Variants in PTGES3 observed in about 807,000 individuals in gnomAD.
The protein encoded by PTGES3 is prostaglandin E synthase 3.
A neutral mutation model predicts 29.9 loss-of-function variants in PTGES3; 5 were observed. That is an observed-to-expected ratio of 0.17 (90% confidence interval 0.09 to 0.35). The LOEUF (loss-of-function observed/expected upper bound fraction) is 0.35. Among genes scored for constraint, PTGES3 ranks in the 10% least tolerant of loss-of-function variants. The probability of loss-of-function intolerance (pLI) is 1.00; values close to 1 mark genes in which losing one functional copy is unlikely to be tolerated. For missense variants in PTGES3, 128 were observed against 190.0 expected, an observed-to-expected ratio of 0.67 and a Z score of 1.92; for synonymous variants, 49 against 57.8, an observed-to-expected ratio of 0.85 and a Z score of 0.69.
chr12:56,669,573 G>A (rs1039984172), intron 5 of PTGES3, among the ~76,000 whole-genome samples: 8 of 150,942 alleles, frequency 5.3e-5, no homozygotes, highest in African/African-American at 1.5e-4. Context: ...GTGAGCCACC[G>A]CGCCCAGCCT....
intron 5 of PTGES3, among the ~76,000 whole-genome samples, chr12:56,669,541 C>T (rs550153119): frequency 1.3e-5 from 2 of 152,316 alleles, no homozygotes; most frequent in East Asian, 3.9e-4. Context: ...TCTCAGCCTC[C>T]CAAAGTGCTG....
chr12:56,680,530 C>A (rs988894871), intron 1 of PTGES3, among the ~76,000 whole-genome samples: 10 of 152,182 alleles, frequency 6.6e-5, no homozygotes, highest in African/African-American at 2.4e-4. Flanking sequence ...GGGTTACAGG[C>A]ATGTGCCGTC....
Position 56,688,215 on chromosome 12 carries a change from A to G in PTGES3, c.-216T>C. 1.3e-6 allele frequency: 1 copy of G among 784,196 alleles called. No homozygotes were observed. Among genetic ancestry groups the G allele is most frequent in the Non-Finnish European group, 1.8e-6 (1 of 545,498 alleles). The allele number at this position is 784,196 out of a possible 1,614,324, so 48.6% of individuals were successfully genotyped here. A position where few individuals can be genotyped will look rare whatever the true frequency, so the allele number is the denominator to read the frequency against. On this transcript the variant is annotated 5_prime_UTR_variant, in exon 1 of 8. Transcript: ENST00000262033. ...AGCGGCTCCTCCGGTCGGGGAGAAG[A>G]GGAAAGTGTAGGAAAAGGGGCGCGA... is the stretch of plus-strand genomic sequence containing the variant.
At chr12:56,686,617 T>C (rs1592291048) in intron 1 of PTGES3, among the ~76,000 whole-genome samples, 1 of 152,120 alleles carries the variant, frequency 6.6e-6, no homozygotes, top group Admixed American at 6.6e-5. Flanking sequence ...CCTCAGGTGA[T>C]CCGCCCGCCT....
At chr12:56,664,685 C>A (rs781699549) in intron 7 of PTGES3, 91 bp downstream of exon 7, 15 of 1,479,006 alleles carry the variant, frequency 1.0e-5, no homozygotes, top group Admixed American at 2.2e-5. Flanking sequence ...GAAAAAATTA[C>A]TTTACTTCCA....
chr12:56,678,151 C>T (rs1952355346), intron 1 of PTGES3, among the ~76,000 whole-genome samples: 1 of 152,046 alleles, frequency 6.6e-6, no homozygotes, highest in Admixed American at 6.6e-5. Flanking sequence ...ATGTCTCATT[C>T]CTCACATATT....
At chr12:56,665,152 G>C in intron 6 of PTGES3, 1 of 985,240 alleles carries the variant, frequency 1.0e-6, no homozygotes. Context: ...CCTAGCTGTT[G>C]AGTGAATATT....
In PTGES3 at chr12:56,679,581, AGT is replaced by A. The variant is rs1450897370; in HGVS notation, c.3-6518_3-6517del. 3.9e-5 allele frequency among the ~76,000 whole-genome samples: 6 copies of A among 152,336 alleles called. No individual in the cohort carries two copies. The East Asian group carries it at 1.2e-3, about 29-fold the overall frequency. On this transcript the variant is annotated intron_variant, in intron 1 of 7. Transcript: ENST00000262033. ...TTACACAATGGTTATGAGTTTAGCC[AGT>A]GTTAGCAGAAAGGCTAGAGATAAAT...
rs923736160 is a variant in PTGES3, at chr12:56,671,170, G to C, written c.285+579C>G. ...TCCCAGCACTTTGGGAGGCTGAGGT[G>C]GGGAGACTGCTTGAGCCCAGAAGTT... On this transcript the variant is annotated intron_variant, in intron 4 of 7. Coordinates refer to ENST00000262033, the MANE Select transcript of PTGES3 (RefSeq NM_006601.7). Among the ~76,000 whole-genome samples, 10 of 152,224 alleles carry C rather than the reference G, an allele frequency of 6.6e-5. No individual in the cohort carries two copies. In the East Asian group the frequency reaches 1.9e-3, roughly 29 times the overall value.
intron 1 of PTGES3, among the ~76,000 whole-genome samples, chr12:56,685,406 T>C (rs975707788): frequency 1.1e-4 from 16 of 144,360 alleles, no homozygotes; most frequent in South Asian, 2.2e-4. Flanking sequence ...TTTCTTTTTT[T>C]TTTTTTTTTT....
rs1352531477 is a variant in PTGES3, at chr12:56,688,053, G to A, written c.-54C>T. 5 of 1,498,004 alleles carry A rather than the reference G, an allele frequency of 3.3e-6. No individual in the cohort carries two copies. Among genetic ancestry groups the A allele is most frequent in the South Asian group, 1.3e-5 (1 of 78,796 alleles). 92.8% of individuals were successfully genotyped at this position (1,498,004 alleles called of 1,614,324 possible). On this transcript the variant is annotated 5_prime_UTR_variant, in exon 1 of 8. Transcript: ENST00000262033. Reference sequence around the variant, plus strand: ...TGGTGGGCGGGCCTCTCTGGCGGCGGCTGCTGCTAGGGAGTCGACTTCTCT... The same window carrying A: ...TGGTGGGCGGGCCTCTCTGGCGGCGACTGCTGCTAGGGAGTCGACTTCTCT...
At chr12:56,687,725 G>A in intron 1 of PTGES3, 7 of 1,359,052 alleles carry the variant, frequency 5.2e-6, no homozygotes, top group Middle Eastern at 2.3e-4. Flanking sequence ...TACCGAAAGA[G>A]GCGAGTAACC....
rs1952981348 is a variant in PTGES3 at position 56,688,220 on chromosome 12, A to G, written c.-221T>C. ...CTCCTCCGGTCGGGGAGAAGAGGAAAGTGTAGGAAAAGGGGCGCGAGGACG... is the reference window on the plus strand; with the variant it reads ...CTCCTCCGGTCGGGGAGAAGAGGAAGGTGTAGGAAAAGGGGCGCGAGGACG... On this transcript the variant is annotated 5_prime_UTR_variant, in exon 1 of 8. Transcript: ENST00000262033. 8 of 790,566 alleles carry G rather than the reference A, an allele frequency of 1.0e-5. No homozygotes were observed. The highest frequency in any genetic ancestry group is 1.4e-5 in the Non-Finnish European group (8 of 551,882). The allele number at this position is 790,566 out of a possible 1,614,324, so 49.0% of individuals were successfully genotyped here. A position where few individuals can be genotyped will look rare whatever the true frequency, so the allele number is the denominator to read the frequency against.
chr12:56,685,111 A>G (rs1952761525), intron 1 of PTGES3, among the ~76,000 whole-genome samples: 1 of 151,668 alleles, frequency 6.6e-6, no homozygotes, highest in African/African-American at 2.4e-5. Flanking sequence ...CTCCAAAAAA[A>G]ACACTTTTAA....
At chr12:56,665,982 TG>T in intron 6 of PTGES3, 1 of 1,274,842 alleles carries the variant, frequency 7.8e-7, no homozygotes, top group Non-Finnish European at 1.0e-6. Flanking sequence ...AATGATTCTT[TG>T]GAAATCTAAT....
intron 1 of PTGES3, among the ~76,000 whole-genome samples, chr12:56,677,311 G>C (rs1952302175): frequency 6.6e-6 from 1 of 150,910 alleles, no homozygotes; most frequent in African/African-American, 2.4e-5. Flanking sequence ...TTTCACCTTT[G>C]TATCTTAGAG....
chr12:56,666,646 G>T (rs965679447), intron 5 of PTGES3, among the ~76,000 whole-genome samples: 110 of 148,886 alleles, frequency 7.4e-4, no homozygotes, highest in Middle Eastern at 3.4e-3. Context: ...TTTTTTTTTT[G>T]AGACAGAGTC....
chr12:56,686,633 T>A (rs1483200961), intron 1 of PTGES3, among the ~76,000 whole-genome samples: 5 of 152,014 alleles, frequency 3.3e-5, no homozygotes, highest in Non-Finnish European at 7.4e-5. Context: ...CGCCTCGGCC[T>A]CTCAGAGTGC....
intron 5 of PTGES3, among the ~76,000 whole-genome samples, chr12:56,669,822 G>A (rs1002018825): frequency 2.0e-5 from 3 of 151,162 alleles, no homozygotes; most frequent in Non-Finnish European, 4.4e-5. Context: ...AAGTTGGCCC[G>A]TATGATCTAG....
Sources: allele counts gnomAD v4.1 joint callset (sites outside exome capture counted in the v4.1 genomes callset), GRCh38; gene constraint gnomAD v4.1.1; transcripts MANE v1.5; gene names NCBI Gene and HGNC (gene_info 2026-07-23, HGNC 2026-07-21).